Variants in HECW1 observed in about 807,000 individuals in gnomAD.
The protein encoded by HECW1 is E3 ubiquitin-protein ligase HECW1.
Under a neutral mutation model 182.3 loss-of-function variants are expected in HECW1, and 61 were observed. The observed-to-expected ratio is 0.33, with a 90% CI of 0.27 to 0.41. The LOEUF is 0.41. Among genes scored for constraint, HECW1 ranks in the 10% least tolerant of loss-of-function variants. The pLI is 1.00. For missense variants in HECW1, 1,739 were observed against 2,108.9 expected (o/e 0.82, Z 3.44); for synonymous variants, 859 against 832.6 (o/e 1.03, Z -0.55).
At chr7:43,560,657 G>A (rs2082180269) in intron 29 of HECW1, among the ~76,000 whole-genome samples, 1 of 152,182 alleles carries the variant, frequency 6.6e-6, no homozygotes, top group African/African-American at 2.4e-5. Context: ...AGCCTGGGCA[G>A]TGATCTGATA....
chr7:43,502,083 G>A (rs1421606238), intron 21 of HECW1, among the ~76,000 whole-genome samples: 1 of 152,116 alleles, frequency 6.6e-6, no homozygotes, highest in Non-Finnish European at 1.5e-5. Flanking sequence ...GCTCTAAATT[G>A]TTGCATTCCA....
At chr7:43,301,847 C>A (rs1806839601) in intron 3 of HECW1, among the ~76,000 whole-genome samples, 1 of 150,174 alleles carries the variant, frequency 6.7e-6, no homozygotes, top group Non-Finnish European at 1.5e-5. Context: ...TTCCTTCCAG[C>A]CTAGGCAACA....
intron 5 of HECW1, among the ~76,000 whole-genome samples, chr7:43,337,302 A>C (rs904757118): frequency 1.3e-5 from 2 of 152,200 alleles, no homozygotes; most frequent in Non-Finnish European, 2.9e-5. Context: ...GATGTTGAGC[A>C]TGTGTTTGTT....
intron 8 of HECW1, among the ~76,000 whole-genome samples, chr7:43,420,508 C>T (rs1167887643): frequency 6.6e-6 from 1 of 152,092 alleles, no homozygotes; most frequent in African/African-American, 2.4e-5. Flanking sequence ...TAAAGTATGT[C>T]AGCTTTGGAA....
intron 2 of HECW1, among the ~76,000 whole-genome samples, chr7:43,135,363 G>A (rs1186256883): frequency 6.6e-6 from 1 of 152,080 alleles, no homozygotes; most frequent in African/African-American, 2.4e-5. Flanking sequence ...GAATGTTATT[G>A]TAATGGCTAG....
chr7:43,308,823 C>T (rs1023210103), intron 3 of HECW1, among the ~76,000 whole-genome samples: 1 of 152,050 alleles, frequency 6.6e-6, no homozygotes, highest in African/African-American at 2.4e-5. Context: ...GGCTTCGCCA[C>T]GTTGGCCAGG....
chr7:43,252,700 C>A (rs551873851), intron 3 of HECW1, among the ~76,000 whole-genome samples: 2 of 152,194 alleles, frequency 1.3e-5, no homozygotes, highest in Non-Finnish European at 2.9e-5. Context: ...TGGATAGTTA[C>A]ACTCTCCATC....
intron 2 of HECW1, among the ~76,000 whole-genome samples, chr7:43,196,079 T>C (rs1794433336): frequency 6.6e-6 from 1 of 152,166 alleles, no homozygotes. Flanking sequence ...CTGCAGCTAT[T>C]TCAGGTGTCT....
chr7:43,547,499 A>G (rs1400777173), intron 26 of HECW1, among the ~76,000 whole-genome samples: 1 of 151,834 alleles, frequency 6.6e-6, no homozygotes, highest in Non-Finnish European at 1.5e-5. Context: ...GCAAGCCAGG[A>G]TTGCGCCACT....
intron 2 of HECW1, among the ~76,000 whole-genome samples, chr7:43,196,055 T>C (rs1015642537): frequency 3.3e-5 from 5 of 152,218 alleles, no homozygotes; most frequent in Admixed American, 1.3e-4. Context: ...CAGGATTTTA[T>C]AAGCTCATAG....
intron 2 of HECW1, among the ~76,000 whole-genome samples, chr7:43,131,092 C>T (rs1007522218): frequency 1.3e-5 from 2 of 152,008 alleles, no homozygotes; most frequent in African/African-American, 4.8e-5. Flanking sequence ...ATGGTGAAAC[C>T]CCATCTGTAC....
chr7:43,497,816 G>A (rs951902708), intron 19 of HECW1, among the ~76,000 whole-genome samples: 2 of 152,166 alleles, frequency 1.3e-5, no homozygotes, highest in Non-Finnish European at 2.9e-5. Flanking sequence ...ATGGATAATG[G>A]CATCATTTAC....
At chr7:43,542,113 A>G (rs1373024050) in intron 26 of HECW1, 115 bp downstream of exon 26, 1 of 900,092 alleles carries the variant, frequency 1.1e-6, no homozygotes, top group African/African-American at 1.7e-5. Flanking sequence ...GCTTCAGTAT[A>G]TCCACATTGT....
intron 3 of HECW1, among the ~76,000 whole-genome samples, chr7:43,269,090 A>T (rs1452058196): frequency 6.6e-6 from 1 of 151,952 alleles, no homozygotes; most frequent in Non-Finnish European, 1.5e-5. Flanking sequence ...CTCCCTCACC[A>T]CTGAAATATT....
At chr7:43,422,916 G>A (rs1309895662) in intron 8 of HECW1, among the ~76,000 whole-genome samples, 3 of 142,286 alleles carry the variant, frequency 2.1e-5, no homozygotes, top group South Asian at 2.2e-4. Context: ...GAGATAAATC[G>A]CAGTGCCTGG....
chr7:43,458,377 G>A (rs150345556), intron 13 of HECW1, among the ~76,000 whole-genome samples: 11 of 152,268 alleles, frequency 7.2e-5, no homozygotes, highest in East Asian at 5.8e-4. Context: ...AGTTTATCGG[G>A]GTGATCTGCT....
chr7:43,503,184 A>G (rs1195786529), intron 21 of HECW1, among the ~76,000 whole-genome samples: 1 of 152,244 alleles, frequency 6.6e-6, no homozygotes, highest in African/African-American at 2.4e-5. Context: ...CCTCTGACGC[A>G]CAACATAATT....
At chr7:43,302,754 C>T (rs1173679491) in intron 3 of HECW1, among the ~76,000 whole-genome samples, 5 of 152,200 alleles carry the variant, frequency 3.3e-5, no homozygotes, top group Non-Finnish European at 7.3e-5. Flanking sequence ...ATATCCTTTT[C>T]CTCTGCAGGT....
chr7:43,221,360 A>G (rs1011154686), intron 2 of HECW1, among the ~76,000 whole-genome samples: 2 of 151,974 alleles, frequency 1.3e-5, no homozygotes, highest in Non-Finnish European at 2.9e-5. Flanking sequence ...TAGGCCAAGG[A>G]TGAAATATGT....
Sources: gnomAD v4.1 joint callset for allele counts (sites outside exome capture counted in the v4.1 genomes callset) on GRCh38, gnomAD v4.1.1 for gene constraint, MANE v1.5 for transcripts, NCBI Gene and HGNC (gene_info 2026-07-23, HGNC 2026-07-21) for gene names.